Variants in ANAPC4 observed in about 807,000 individuals in gnomAD.
ANAPC4 encodes the protein anaphase-promoting complex subunit 4.
A neutral mutation model predicts 119.8 loss-of-function variants in ANAPC4; 63 were observed. The observed-to-expected ratio is 0.53, with a 90% CI of 0.43 to 0.65. The LOEUF is 0.65. Among genes scored for constraint, ANAPC4 ranks in the 30% least tolerant of loss-of-function variants. ANAPC4 has a pLI of 0.00. For missense variants in ANAPC4, 716 were observed against 945.1 expected (o/e 0.76, Z 3.18); for synonymous variants, 283 against 318.6 (o/e 0.89, Z 1.19).
At chr4:25,397,457 C>T (rs1048570410) in intron 16 of ANAPC4, among the ~76,000 whole-genome samples, 1 of 152,192 alleles carries the variant, frequency 6.6e-6, no homozygotes, top group South Asian at 2.1e-4. Flanking sequence ...TCATTACTCT[C>T]CTGGGTTAGA....
intron 16 of ANAPC4, among the ~76,000 whole-genome samples, chr4:25,400,149 G>A (rs1722883501): frequency 6.6e-6 from 1 of 152,190 alleles, no homozygotes; most frequent in African/African-American, 2.4e-5. Context: ...TAAAGGGAAT[G>A]GCCAGTAGAT....
At chr4:25,392,272 T>A in intron 9 of ANAPC4, 66 bp from the exon 10 acceptor site, 1 of 1,158,850 alleles carries the variant, frequency 8.6e-7, no homozygotes, top group Non-Finnish European at 1.3e-6. Context: ...TGACCCACAC[T>A]CTAAATTACA....
At chr4:25,399,918 G>GC (rs1722864306) in intron 16 of ANAPC4, among the ~76,000 whole-genome samples, 1 of 152,192 alleles carries the variant, frequency 6.6e-6, no homozygotes, top group Non-Finnish European at 1.5e-5. Flanking sequence ...TAGGCGTCCT[G>GC]CAGGCTGAGT....
intron 7 of ANAPC4, 24 bp from the exon 8 acceptor site, chr4:25,390,112 G>A: frequency 6.5e-7 from 1 of 1,530,142 alleles, no homozygotes; most frequent in Non-Finnish European, 9.0e-7. Flanking sequence ...TTGGTTCTCA[G>A]CTTGTTGCAT....
intron 2 of ANAPC4, 34 bp downstream of exon 2, chr4:25,377,590 G>C (rs953985592): frequency 6.4e-7 from 1 of 1,565,804 alleles, no homozygotes; most frequent in Non-Finnish European, 8.6e-7. Context: ...CCTGTGCTGG[G>C]TCTGCTCCCG....
At chr4:25,398,969 A>C (rs1415890847) in intron 16 of ANAPC4, among the ~76,000 whole-genome samples, 1 of 151,324 alleles carries the variant, frequency 6.6e-6, no homozygotes, top group Non-Finnish European at 1.5e-5. Flanking sequence ...TGGTTTGGAC[A>C]TACTAGATTG....
chr4:25,417,835 T>A (rs1303397565), intron 28 of ANAPC4, 96 bp downstream of exon 28: 1 of 1,462,308 alleles, frequency 6.8e-7, no homozygotes, highest in African/African-American at 1.4e-5. Context: ...TAAGGTCCTT[T>A]TGTGCAAATA....
chr4:25,413,485 C>T lies in ANAPC4; in HGVS notation c.1526-160C>T, dbSNP rs2305954. ...TTGATGAAAGGCAGAAGACCATGGTCGTTTTTAATGAGGTTGTGTGAAAAT... is the reference window on the plus strand; with the variant it reads ...TTGATGAAAGGCAGAAGACCATGGTTGTTTTTAATGAGGTTGTGTGAAAAT... On this transcript the variant is annotated intron_variant, in intron 21 of 28. Transcript: ENST00000315368. 2.1e-3 allele frequency: 1,108 copies of T among 529,264 alleles called. 34 individuals are homozygous for T. The East Asian group carries it at 0.03, about 14-fold the overall frequency. The allele number at this position is 529,264 out of a possible 1,614,324, so 32.8% of individuals were successfully genotyped here. A position where few individuals can be genotyped will look rare whatever the true frequency, so the allele number is the denominator to read the frequency against.
rs1484600842 is a variant in ANAPC4, at chr4:25,418,296, G to T, written c.2341G>T (p.Ala781Ser). 2 of 1,613,928 alleles carry T rather than the reference G, an allele frequency of 1.2e-6. No homozygotes were observed. The highest frequency in any genetic ancestry group is 2.7e-5 in the African/African-American group (2 of 74,894). ...IKEEVLSESE[A>S]ENQQAGAAAL... ...GGAAGAAGTGTTGTCGGAGTCAGAG[G>T]CAGAGAACCAACAAGCTGGTGCTGC... Residue 781 changes from alanine to serine, a missense_variant, in exon 29 of 29, where the codon GCA becomes TCA. Transcript: ENST00000315368.
At chr4:25,391,062 C>CTCAGG in intron 9 of ANAPC4, 47 bp downstream of exon 9, 2 of 1,392,152 alleles carry the variant, frequency 1.4e-6, no homozygotes, top group Admixed American at 1.8e-5. Context: ...ATGTATTTAA[C>CTCAGG]AGGTTTTATA....
In ANAPC4 at chr4:25,416,604, T is replaced by C; in HGVS notation, c.2075+6T>C. 1 of 1,506,178 alleles carries C rather than the reference T, an allele frequency of 6.6e-7. No homozygotes were observed. The highest frequency in any genetic ancestry group is 9.0e-7 in the Non-Finnish European group (1 of 1,115,270). The allele number at this position is 1,506,178 out of a possible 1,614,324, so 93.3% of individuals were successfully genotyped here. ...ACTGGGACTTATTCTACAAGGTAAC[T>C]AGTAACATTGTCTTTCTGATATTAC... is the stretch of plus-strand genomic sequence containing the variant. On this transcript the variant is annotated splice_donor_region_variant and intron_variant, in intron 27 of 28. Transcript: ENST00000315368.
At chr4:25,409,570 T>G in intron 20 of ANAPC4, 128 bp from the exon 21 acceptor site, 1 of 624,382 alleles carries the variant, frequency 1.6e-6, no homozygotes, top group Non-Finnish European at 2.8e-6. Flanking sequence ...GTGTTAAAAA[T>G]AAACCGATTT....
At chr4:25,393,075 G>A (rs1425327945) in intron 10 of ANAPC4, among the ~76,000 whole-genome samples, 1 of 152,134 alleles carries the variant, frequency 6.6e-6, no homozygotes, top group Non-Finnish European at 1.5e-5. Flanking sequence ...GCATCTGACT[G>A]GAGGGGCTAC....
At position 25,404,353 on chromosome 4, in the gene ANAPC4, T is replaced by A. The variant is rs137998479; in HGVS notation, c.1271-1220T>A. Among the ~76,000 whole-genome samples the A allele has an allele frequency of 2.3e-3, 344 of 152,300 alleles. 5 individuals carry two copies. The highest frequency in any genetic ancestry group is 8.0e-3 in the African/African-American group (333 of 41,582). On this transcript the variant is annotated intron_variant, in intron 17 of 28. Coordinates refer to ENST00000315368, the MANE Select transcript of ANAPC4 (RefSeq NM_013367.3). ...TTGGAATAAATTACAATATTAAAAC[T>A]GAATGAGACCTTAGAAGACTTTTTT... is the stretch of plus-strand genomic sequence containing the variant.
In ANAPC4 at chr4:25,407,238, T is replaced by G; in HGVS notation, c.1416T>G (p.Val472=). 1 of 1,608,658 alleles carries G rather than the reference T, an allele frequency of 6.2e-7. No individual in the cohort carries two copies. Among genetic ancestry groups the G allele is most frequent in the Non-Finnish European group, 8.5e-7 (1 of 1,178,216 alleles). Residue 472 remains valine, a synonymous_variant, in exon 20 of 29, where the codon GTT becomes GTG. Transcript: ENST00000315368. ...ATCGAAAAGGAAAATACTTTAACGT[T>G]GAAAGAGTTGGTCAGGTATGGGCTT... ...LYNRKGKYFN[V]ERVGQYLKDE...
intron 9 of ANAPC4, among the ~76,000 whole-genome samples, 187 bp downstream of exon 9, chr4:25,391,202 C>T (rs1452663989): frequency 6.6e-6 from 1 of 152,176 alleles, no homozygotes; most frequent in Non-Finnish European, 1.5e-5. Flanking sequence ...TTCCCATGCT[C>T]CAATACAGTT....
chr4:25,406,619 G>A (rs1040128240), intron 18 of ANAPC4, among the ~76,000 whole-genome samples: 2 of 152,218 alleles, frequency 1.3e-5, no homozygotes, highest in African/African-American at 4.8e-5. Flanking sequence ...CTGATTGGAA[G>A]ATGAGTTCAC....
rs181453338 is a variant in ANAPC4 at position 25,384,712 on chromosome 4, G to A, written c.368+1319G>A. Among the ~76,000 whole-genome samples, 8 of 151,980 alleles carry A rather than the reference G, an allele frequency of 5.3e-5. No homozygotes were observed. The East Asian group carries it at 1.6e-3, about 29-fold the overall frequency. On this transcript the variant is annotated intron_variant, in intron 4 of 28. Coordinates refer to ENST00000315368, the MANE Select transcript of ANAPC4 (RefSeq NM_013367.3). ...AGCTGCTCAGGAGGCTGAGGTGGGA[G>A]GATCACCTGACCCTAAGGAGGTTGA...
chr4:25,409,777 G>T lies in ANAPC4; in HGVS notation c.1511G>T (p.Ser504Ile). ...CAGTGGTATGACTTTCTTCAAAATAGCAGCCACCTTAAAGGTACTTCATGA... is the reference window on the plus strand; with the variant it reads ...CAGTGGTATGACTTTCTTCAAAATATCAGCCACCTTAAAGGTACTTCATGA... ...GNQWYDFLQN[S>I]SHLKESPLLF... is the part of the protein sequence containing the mutation. Residue 504 changes from serine (S) to isoleucine (I), a missense_variant, in exon 21 of 29, where the codon AGC (serine) becomes ATC (isoleucine). Around this residue, in one of 3 missense-constraint regions of ANAPC4, gnomAD observed 504 missense variants for 615.8 expected, o/e 0.82. Transcript: ENST00000315368. 6.2e-7 allele frequency: 1 copy of T among 1,613,092 alleles called. No individual in the cohort carries two copies. Among genetic ancestry groups the T allele is most frequent in the Non-Finnish European group, 8.5e-7 (1 of 1,179,402 alleles).
Sources: gnomAD v4.1 joint callset for allele counts (sites outside exome capture counted in the v4.1 genomes callset) on GRCh38, gnomAD v4.1.1 for gene constraint, gnomAD v4.1.1 regional missense constraint, MANE v1.5 for transcripts, NCBI Gene and HGNC (gene_info 2026-07-23, HGNC 2026-07-21) for gene names.